TUBB3: variants seen among roughly 807,000 people sequenced by gnomAD.
The protein encoded by TUBB3 is tubulin beta-3 chain.
In TUBB3, 17 loss-of-function variants were observed where a neutral mutation model predicts 37.8. That is an observed-to-expected ratio of 0.45 (90% CI 0.31 to 0.67). The LOEUF (loss-of-function observed/expected upper bound fraction) is 0.67, where lower values mean the gene tolerates loss of function less well. Among genes scored for constraint, TUBB3 ranks in the 30% least tolerant of loss-of-function variants. The pLI, the probability that TUBB3 is intolerant of heterozygous loss-of-function variation, is 0.07. For missense variants in TUBB3, 262 were observed against 657.9 expected, an observed-to-expected ratio of 0.40 and a Z score of 6.58; for synonymous variants, 332 against 278.9, an observed-to-expected ratio of 1.19 and a Z score of -1.90.
chr16:89,932,657 C>G lies in TUBB3; in HGVS notation c.144C>G (p.Ser48Arg). 2 of 1,614,052 alleles carry G rather than the reference C, an allele frequency of 1.2e-6. No individual in the cohort carries two copies. The highest frequency in any genetic ancestry group is 1.7e-6 in the Non-Finnish European group (2 of 1,179,994). ...CGGACTTGCAGCTGGAGCGGATCAG[C>G]GTCTACTACAACGAGGCCTCTTGTG... ...GDSDLQLERI[S>R]VYYNEASSHK... The change falls in exon 2 of 4, where the codon AGC becomes AGG. Residue 48 changes from serine to arginine, a missense_variant. Transcript: ENST00000315491.
chr16:89,932,428 G>A, intron 1 of TUBB3, 143 bp from the exon 2 acceptor site: 1 of 692,378 alleles, frequency 1.4e-6, no homozygotes, highest in East Asian at 2.7e-5. Flanking sequence ...ACAGAGTGTG[G>A]GGCTCTCTTC....
chr16:89,925,684 C>T (rs2144402933), intron 1 of TUBB3, among the ~76,000 whole-genome samples: 1 of 151,982 alleles, frequency 6.6e-6, no homozygotes, highest in South Asian at 2.1e-4. Context: ...GAGCGTGTTC[C>T]TTTGCTCTGC....
chr16:89,922,786 G>A (rs984107397), upstream of TUBB3: 1 of 152,194 alleles, frequency 6.6e-6, no homozygotes, highest in Non-Finnish European at 1.5e-5. Flanking sequence ...ACCCCTCTGT[G>A]TTCGCGCCCT....
At chr16:89,926,777 G>A (rs1476323088) in intron 1 of TUBB3, among the ~76,000 whole-genome samples, 1 of 151,940 alleles carries the variant, frequency 6.6e-6, no homozygotes, top group Non-Finnish European at 1.5e-5. Flanking sequence ...GAGTGCAGTG[G>A]CGCGATCTCG....
chr16:89,925,735 G>C (rs1011860924), intron 1 of TUBB3, among the ~76,000 whole-genome samples: 1 of 152,202 alleles, frequency 6.6e-6, no homozygotes, highest in African/African-American at 2.4e-5. Flanking sequence ...GGCCGTTCTC[G>C]GCCTCCACTC....
chr16:89,922,232 A>G (rs1284023519), upstream of TUBB3: 1 of 152,468 alleles, frequency 6.6e-6, no homozygotes, highest in African/African-American at 2.4e-5. Context: ...CAGACCGGAC[A>G]CAGGCGTCCA....
Position 89,935,218 on chromosome 16 carries a change from A to G in TUBB3, c.767A>G (p.Asn256Ser). The stretch of plus-strand genomic sequence containing the variant: ...GCTGACCTGCGCAAGCTGGCCGTCA[A>G]CATGGTGCCCTTCCCGCGCCTGCAC... Reference protein sequence around the residue: ...LNADLRKLAVNMVPFPRLHFF... With the variant: ...LNADLRKLAVSMVPFPRLHFF... The change falls in exon 4 of 4, where the codon AAC becomes AGC. Residue 256 changes from asparagine to serine, a missense_variant. Physicochemically the swap from Asn to Ser is conservative, Grantham distance 46. Around this residue, in one of 3 missense-constraint regions of TUBB3, gnomAD observed 165 missense variants for 556.8 expected, o/e 0.30. Transcript: ENST00000315491. The G allele has an allele frequency of 6.2e-7, 1 of 1,613,890 alleles. No individual in the cohort carries two copies. Among genetic ancestry groups the G allele is most frequent in the Non-Finnish European group, 8.5e-7 (1 of 1,180,016 alleles).
intron 3 of TUBB3, chr16:89,934,075 C>G: frequency 3.0e-6 from 1 of 338,142 alleles, no homozygotes; most frequent in East Asian, 8.6e-5. Context: ...GCCGTGGATG[C>G]CACGTTCCCA....
intron 1 of TUBB3, among the ~76,000 whole-genome samples, chr16:89,930,633 C>T (rs1490706753): frequency 6.6e-6 from 1 of 151,826 alleles, no homozygotes; most frequent in Non-Finnish European, 1.5e-5. Flanking sequence ...TCCTGACTTC[C>T]GGTGATCTGC....
At chr16:89,934,190 C>T (rs895596564) in intron 3 of TUBB3, 12 of 341,640 alleles carry the variant, frequency 3.5e-5, no homozygotes, top group Non-Finnish European at 4.5e-5. Flanking sequence ...GGGGCGGGGC[C>T]GTGGATGCCA....
intron 1 of TUBB3, among the ~76,000 whole-genome samples, chr16:89,931,461 C>G (rs1416581247): frequency 1.3e-5 from 2 of 152,244 alleles, no homozygotes; most frequent in Admixed American, 1.3e-4. Context: ...GGCCTGCTGC[C>G]TGCAGACACT....
intron 1 of TUBB3, among the ~76,000 whole-genome samples, chr16:89,928,234 T>C (rs1418452852): frequency 2.0e-5 from 3 of 152,112 alleles, no homozygotes; most frequent in South Asian, 2.1e-4. Context: ...TTTTTGTTTT[T>C]TGGTAGAGAC....
intron 1 of TUBB3, among the ~76,000 whole-genome samples, chr16:89,923,739 C>G (rs1258839195): frequency 6.6e-6 from 1 of 152,180 alleles, no homozygotes; most frequent in Admixed American, 6.5e-5. Context: ...ACACCTGCAC[C>G]CCCTCCACCG....
chr16:89,927,508 C>T (rs117872426), intron 1 of TUBB3, among the ~76,000 whole-genome samples: 170 of 152,214 alleles, frequency 1.1e-3, no homozygotes, highest in Admixed American at 3.4e-3. Flanking sequence ...GCAGATAAAC[C>T]TGGTGCCCAT....
In TUBB3 at chr16:89,931,504, C is replaced by T. The variant is rs191279076; in HGVS notation, c.58-1067C>T. Among the ~76,000 whole-genome samples the T allele has an allele frequency of 2.4e-3, 371 of 151,994 alleles. 2 individuals are homozygous for T. Among genetic ancestry groups the T allele is most frequent in the African/African-American group, 8.6e-3 (358 of 41,480 alleles). On this transcript the variant is annotated intron_variant, in intron 1 of 3. Transcript: ENST00000315491. ...GACGCAGCGGCCTCGGCCATCAGAG[C>T]GTGTCCCACGATGAGGTGGCAACTT...
chr16:89,929,462 T>A (rs1474062898), intron 1 of TUBB3, among the ~76,000 whole-genome samples: 1 of 152,206 alleles, frequency 6.6e-6, no homozygotes, highest in Non-Finnish European at 1.5e-5. Context: ...GCAGAGGTGG[T>A]CCATGTCCAT....
At chr16:89,928,699 T>C (rs549212564) in intron 1 of TUBB3, among the ~76,000 whole-genome samples, 65 of 151,920 alleles carry the variant, frequency 4.3e-4, no homozygotes, top group African/African-American at 1.5e-3. Context: ...TAATTTTTTG[T>C]ATTTTTAGTA....
Position 89,928,883 on chromosome 16 carries a change from C to T in TUBB3, c.58-3688C>T, listed in dbSNP as rs544225671. Reference sequence around the variant, plus strand: ...TTCACCATGTTGGTCAGGCTGGTCTCGAACTACTGACCTCGTGATCCACCC... The same window carrying T: ...TTCACCATGTTGGTCAGGCTGGTCTTGAACTACTGACCTCGTGATCCACCC... On this transcript the variant is annotated intron_variant, in intron 1 of 3. Coordinates refer to ENST00000315491, the MANE Select transcript of TUBB3 (RefSeq NM_006086.4). Among the ~76,000 whole-genome samples, 35 of 151,704 alleles carry T rather than the reference C, an allele frequency of 2.3e-4. 1 individual carries two copies. The South Asian group carries it at 5.0e-3, about 22-fold the overall frequency.
rs759943633 is a variant in TUBB3 at position 89,935,312 on chromosome 16, C to G, written c.861C>G (p.Pro287=). The G allele has an allele frequency of 2.5e-6, 4 of 1,613,652 alleles. No homozygotes were observed. In the South Asian group the frequency reaches 3.3e-5, roughly 13 times the overall value. The change falls in exon 4 of 4, where the codon CCC becomes CCG. Residue 287 remains proline (P), a synonymous_variant. Transcript: ENST00000315491. ...AGCAGTACCGGGCCCTGACCGTGCC[C>G]GAGCTCACCCAGCAGATGTTCGATG... The part of the protein sequence containing the change: ...GSQQYRALTV[P]ELTQQMFDAK...
Sources: gnomAD v4.1 joint callset for allele counts (sites outside exome capture counted in the v4.1 genomes callset) on GRCh38, gnomAD v4.1.1 for gene constraint, gnomAD v4.1.1 regional missense constraint, MANE v1.5 for transcripts, NCBI Gene and HGNC (gene_info 2026-07-23, HGNC 2026-07-21) for gene names.